The following CDKN2B-AS1 variants were observed in gnomAD, a reference collection of about 807,000 sequenced individuals.
CDKN2B-AS1 encodes CDKN2B and CDKN2A antisense cis and trans regulatory RNA 1.
At chr9:22,118,679 T>G (rs750295178) in intron 4 of CDKN2B-AS1, 1 of 152,166 alleles carries the variant, frequency 6.6e-6, no homozygotes, top group Non-Finnish European at 1.5e-5. Flanking sequence ...GTACAAGTAA[T>G]AAGAAGAATA....
intron 4 of CDKN2B-AS1, among the ~76,000 whole-genome samples, chr9:22,078,376 C>T (rs531732032): frequency 7.2e-5 from 11 of 151,934 alleles, no homozygotes; most frequent in Non-Finnish European, 1.5e-4. Flanking sequence ...AGTTTTGTTG[C>T]GCTTTCTGAA....
At chr9:22,003,563 CTTCTT>C (rs1821023164) in intron 1 of CDKN2B-AS1, 1 of 228,946 alleles carries the variant, frequency 4.4e-6, no homozygotes, top group Non-Finnish European at 8.6e-6. Flanking sequence ...TATCAACTGA[CTTCTT>C]TTATATAGAA....
At chr9:22,024,617 T>C (rs1024864824) in intron 1 of CDKN2B-AS1, among the ~76,000 whole-genome samples, 22 of 152,194 alleles carry the variant, frequency 1.4e-4, no homozygotes, top group Non-Finnish European at 2.5e-4. Context: ...GCTGCAGGGC[T>C]TGCTGGCTGT....
At chr9:22,103,156 TGTGTGTGTGTGTGTGTGTG>T in intron 4 of CDKN2B-AS1, among the ~76,000 whole-genome samples, 1 of 151,134 alleles carries the variant, frequency 6.6e-6, no homozygotes, top group African/African-American at 2.4e-5. Flanking sequence ...TGTGTGTGTG[TGTGTGTGTGTGTGTGTGTG>T]TGTGGTGCGT....
chr9:22,056,455 A>T (rs962607505), intron 4 of CDKN2B-AS1: 1 of 152,048 alleles, frequency 6.6e-6, no homozygotes, highest in Non-Finnish European at 1.5e-5. Context: ...TTGGAGGGGA[A>T]CTGTGAAAAT....
At position 22,095,961 on chromosome 9, in the gene CDKN2B-AS1, A is replaced by G. The variant is rs535971955; in HGVS notation, n.439-31142A>G. ...TTGGTAGATCTTCCTCCATCCCTTT[A>G]TTTTGAGCCTATGTGTGTTTCTGCA... On this transcript the variant is annotated intron_variant and non_coding_transcript_variant, in intron 4 of 4. Coordinates refer to ENST00000650946, the Ensembl canonical transcript of CDKN2B-AS1. 2.1e-3 allele frequency among the ~76,000 whole-genome samples: 325 copies of G among 151,742 alleles called. 4 individuals are homozygous for G. Among genetic ancestry groups the G allele is most frequent in the African/African-American group, 7.5e-3 (310 of 41,314 alleles).
At chr9:22,022,777 C>A (rs1386839609) in intron 1 of CDKN2B-AS1, among the ~76,000 whole-genome samples, 1 of 152,170 alleles carries the variant, frequency 6.6e-6, no homozygotes, top group Non-Finnish European at 1.5e-5. Flanking sequence ...TCTTTCCTTT[C>A]CACAATTAGT....
chr9:22,078,030 C>T (rs943438258), intron 4 of CDKN2B-AS1: 6 of 152,084 alleles, frequency 3.9e-5, no homozygotes, highest in African/African-American at 1.2e-4. Context: ...TTTACTATCT[C>T]CAAGCCCTGA....
intron 4 of CDKN2B-AS1, chr9:22,066,463 G>A (rs914265121): frequency 6.6e-6 from 1 of 151,804 alleles, no homozygotes; most frequent in African/African-American, 2.4e-5. Context: ...CCAAAGTGCT[G>A]GGATTACAGA....
intron 4 of CDKN2B-AS1, among the ~76,000 whole-genome samples, chr9:22,123,603 C>CATTTATAAAAGGTTAGGAAGATT (rs1418191987): frequency 2.6e-5 from 4 of 150,976 alleles, no homozygotes; most frequent in African/African-American, 2.4e-5. Flanking sequence ...TTAGGATGGC[C>CATTTATAAAAGGTTAGGAAGATT]AATGATCCAG....
chr9:22,016,335 A>G (rs199821728), intron 1 of CDKN2B-AS1, among the ~76,000 whole-genome samples: 1 of 152,188 alleles, frequency 6.6e-6, no homozygotes, highest in Non-Finnish European at 1.5e-5. Context: ...ATGCTTATGG[A>G]TAGGAAGAAT....
intron 1 of CDKN2B-AS1, among the ~76,000 whole-genome samples, chr9:22,008,059 T>C (rs1051492677): frequency 1.3e-5 from 2 of 152,186 alleles, no homozygotes; most frequent in Non-Finnish European, 2.9e-5. Context: ...ATATCAGTAC[T>C]AATTAAAGCA....
At chr9:22,040,293 T>C (rs781617422) in intron 1 of CDKN2B-AS1, among the ~76,000 whole-genome samples, 3 of 152,064 alleles carry the variant, frequency 2.0e-5, no homozygotes, top group Non-Finnish European at 4.4e-5. Context: ...GCCATCTATA[T>C]ACAAATTAGG....
intron 4 of CDKN2B-AS1, among the ~76,000 whole-genome samples, chr9:22,062,689 G>A (rs1445146722): frequency 2.0e-5 from 3 of 151,976 alleles, no homozygotes; most frequent in Non-Finnish European, 4.4e-5. Context: ...TCATGCATGG[G>A]TTTTGGAGGC....
intron 1 of CDKN2B-AS1, among the ~76,000 whole-genome samples, chr9:22,021,797 G>C (rs1479101922): frequency 1.3e-5 from 2 of 152,046 alleles, no homozygotes; most frequent in African/African-American, 4.8e-5. Context: ...TCTCTTCCCT[G>C]ATTGCCCTTG....
intron 4 of CDKN2B-AS1, chr9:22,117,515 T>C (rs918181319): frequency 3.3e-5 from 5 of 152,176 alleles, no homozygotes; most frequent in African/African-American, 1.2e-4. Flanking sequence ...TGGAAGCTCG[T>C]GGGAGAGGAG....
intron 1 of CDKN2B-AS1, among the ~76,000 whole-genome samples, chr9:22,016,063 A>G (rs367758296): frequency 5.1e-4 from 77 of 152,120 alleles, no homozygotes; most frequent in African/African-American, 1.0e-3. Context: ...CACTCTGATG[A>G]TAGTTTCTTT....
chr9:22,017,614 T>C (rs1268723578), intron 1 of CDKN2B-AS1, among the ~76,000 whole-genome samples: 1 of 152,250 alleles, frequency 6.6e-6, no homozygotes, highest in Admixed American at 6.5e-5. Context: ...GAAAACATTA[T>C]GTCAACATTG....
intron 1 of CDKN2B-AS1, among the ~76,000 whole-genome samples, chr9:22,035,331 G>A (rs550592150): frequency 1.4e-5 from 2 of 147,426 alleles, no homozygotes; most frequent in South Asian, 4.4e-4. Context: ...AACTAAGATA[G>A]AACTAATACC....
Sources: allele counts gnomAD v4.1 joint callset (sites outside exome capture counted in the v4.1 genomes callset), GRCh38; gene constraint gnomAD v4.1.1; transcripts MANE v1.5; gene names NCBI Gene and HGNC (gene_info 2026-07-23, HGNC 2026-07-21).